The following BNC2 variants were observed in gnomAD, a reference collection of about 807,000 sequenced individuals.
BNC2 encodes the protein basonuclin zinc finger protein 2.
In BNC2, 20 loss-of-function variants were observed where a neutral mutation model predicts 76.3. The ratio of observed to expected loss-of-function variants is 0.26; its 90% CI spans 0.18 to 0.38. BNC2 has a LOEUF of 0.38. Ranked by LOEUF, BNC2 falls within the 10% of genes least tolerant of loss-of-function variation. The pLI is 1.00. For missense variants in BNC2, 1,382 were observed against 1,399.8 expected (o/e 0.99, Z 0.20); for synonymous variants, 582 against 514.8 (o/e 1.13, Z -1.77).
intron 3 of BNC2, among the ~76,000 whole-genome samples, chr9:16,674,536 C>T (rs1822579022): frequency 6.6e-6 from 1 of 152,012 alleles, no homozygotes; most frequent in Admixed American, 6.5e-5. Flanking sequence ...TGTGTGTTTA[C>T]TTATTTAATC....
intron 3 of BNC2, among the ~76,000 whole-genome samples, chr9:16,593,128 T>C (rs1196013978): frequency 6.6e-6 from 1 of 151,062 alleles, no homozygotes; most frequent in African/African-American, 2.5e-5. Context: ...CTGTCATGTA[T>C]ACCAGCAAAA....
chr9:16,431,974 G>C (rs1166903453), intron 6 of BNC2, among the ~76,000 whole-genome samples: 2 of 152,188 alleles, frequency 1.3e-5, no homozygotes, highest in African/African-American at 4.8e-5. Context: ...ACAGGCCATG[G>C]ACCAGTACTA....
At chr9:16,854,260 T>A (rs1819199608) in intron 1 of BNC2, among the ~76,000 whole-genome samples, 1 of 152,242 alleles carries the variant, frequency 6.6e-6, no homozygotes, top group South Asian at 2.1e-4. Flanking sequence ...AAGGTACAGC[T>A]TTAACTTTCT....
intron 1 of BNC2, among the ~76,000 whole-genome samples, chr9:16,759,866 G>A (rs900579454): frequency 2.0e-5 from 3 of 151,996 alleles, no homozygotes; most frequent in African/African-American, 4.8e-5. Context: ...TGGGACTACA[G>A]GCACCTGCCA....
At chr9:16,739,525 A>G (rs1295869202) in intron 1 of BNC2, among the ~76,000 whole-genome samples, 1 of 152,176 alleles carries the variant, frequency 6.6e-6, no homozygotes, top group Non-Finnish European at 1.5e-5. Flanking sequence ...AAAAGAAGTT[A>G]GCCAGGTGTA....
At chr9:16,728,448 C>T (rs1824414235) in intron 2 of BNC2, among the ~76,000 whole-genome samples, 1 of 152,114 alleles carries the variant, frequency 6.6e-6, no homozygotes, top group African/African-American at 2.4e-5. Context: ...GGGCCCTTCC[C>T]CGGGAATTTT....
chr9:16,716,583 A>G (rs760762047), intron 3 of BNC2, among the ~76,000 whole-genome samples: 3 of 152,330 alleles, frequency 2.0e-5, no homozygotes, highest in Non-Finnish European at 4.4e-5. Flanking sequence ...TACCCTATTT[A>G]GCAGAGGGAA....
At chr9:16,633,946 C>A (rs1174106046) in intron 3 of BNC2, among the ~76,000 whole-genome samples, 1 of 152,184 alleles carries the variant, frequency 6.6e-6, no homozygotes, top group Non-Finnish European at 1.5e-5. Flanking sequence ...AATGCTTACT[C>A]TAGGCTATTT....
intron 5 of BNC2, among the ~76,000 whole-genome samples, chr9:16,516,383 A>C (rs75149738): frequency 1.3e-3 from 200 of 152,096 alleles, no homozygotes; most frequent in African/African-American, 4.4e-3. Flanking sequence ...AAAAAAAAAA[A>C]CTAACCACAC....
chr9:16,613,689 C>T (rs10962511), intron 3 of BNC2, among the ~76,000 whole-genome samples: 123,593 of 152,164 alleles, frequency 0.81, 52,227 homozygotes, highest in East Asian at 0.96. Context: ...ATAATTTGGG[C>T]GCCCCTGCAT....
At chr9:16,422,565 A>T (rs1211605079) in intron 6 of BNC2, among the ~76,000 whole-genome samples, 2 of 152,186 alleles carry the variant, frequency 1.3e-5, no homozygotes, top group Non-Finnish European at 2.9e-5. Context: ...ATTTTTGTTT[A>T]ATAATCCTCC....
At chr9:16,425,811 A>G (rs1820794034) in intron 6 of BNC2, among the ~76,000 whole-genome samples, 1 of 152,238 alleles carries the variant, frequency 6.6e-6, no homozygotes, top group Non-Finnish European at 1.5e-5. Flanking sequence ...TTGCTGTGGA[A>G]TGCATAAAAA....
intron 4 of BNC2, among the ~76,000 whole-genome samples, chr9:16,581,591 C>A (rs1475653315): frequency 6.6e-6 from 1 of 152,098 alleles, no homozygotes; most frequent in Non-Finnish European, 1.5e-5. Flanking sequence ...ACCAACCCTG[C>A]CAACACTTTG....
intron 3 of BNC2, among the ~76,000 whole-genome samples, chr9:16,722,960 G>A (rs1824203380): frequency 6.6e-6 from 1 of 152,084 alleles, no homozygotes; most frequent in South Asian, 2.1e-4. Flanking sequence ...CTACTTTAGT[G>A]TTACATTATC....
chr9:16,530,741 G>A (rs899172597), intron 5 of BNC2, among the ~76,000 whole-genome samples: 1 of 152,200 alleles, frequency 6.6e-6, no homozygotes, highest in African/African-American at 2.4e-5. Flanking sequence ...CAGAACTTCT[G>A]GTGTCTGAGA....
intron 1 of BNC2, among the ~76,000 whole-genome samples, chr9:16,817,709 G>A (rs909768077): frequency 1.3e-4 from 20 of 152,146 alleles, no homozygotes; most frequent in African/African-American, 3.9e-4. Flanking sequence ...GCCAGCAACA[G>A]AAGTAGATCC....
chr9:16,611,595 A>G (rs1275188918), intron 3 of BNC2, among the ~76,000 whole-genome samples: 1 of 152,124 alleles, frequency 6.6e-6, no homozygotes, highest in African/African-American at 2.4e-5. Context: ...ATGATTGCAT[A>G]AAGAACAACA....
At chr9:16,728,156 C>T in intron 2 of BNC2, 159 bp from the exon 3 acceptor site, 1 of 745,384 alleles carries the variant, frequency 1.3e-6, no homozygotes, top group Non-Finnish European at 2.4e-6. Flanking sequence ...CACAGATATC[C>T]CTATCATTTA....
chr9:16,420,480 C>T (rs1018880550), intron 6 of BNC2, among the ~76,000 whole-genome samples: 1 of 151,634 alleles, frequency 6.6e-6, no homozygotes, highest in African/African-American at 2.4e-5. Context: ...TAAAACCCAC[C>T]CACCTTTTTA....
Sources: gnomAD v4.1 joint callset for allele counts (sites outside exome capture counted in the v4.1 genomes callset) on GRCh38, gnomAD v4.1.1 for gene constraint, MANE v1.5 for transcripts, NCBI Gene and HGNC (gene_info 2026-07-23, HGNC 2026-07-21) for gene names.